Variants in PKHD1L1 observed in about 807,000 individuals in gnomAD.
PKHD1L1 encodes fibrocystin-L.
PKHD1L1 carries 434 observed loss-of-function variants against 462.9 expected under a neutral mutation model. The ratio of observed to expected loss-of-function variants is 0.94; its 90% CI spans 0.87 to 1.02. The LOEUF (loss-of-function observed/expected upper bound fraction) is 1.02, where lower values mean the gene tolerates loss of function less well. Ranked by LOEUF, PKHD1L1 falls within the 50% of genes least tolerant of loss-of-function variation. The probability of loss-of-function intolerance (pLI) is 0.00; values close to 1 mark genes in which losing one functional copy is unlikely to be tolerated. For missense variants in PKHD1L1, 5,202 were observed against 5,096.1 expected (o/e 1.02, Z -0.63); for synonymous variants, 1,781 against 1,750.0 (o/e 1.02, Z -0.44).
At chr8:109,372,280 T>G (rs962554853) in intron 2 of PKHD1L1, among the ~76,000 whole-genome samples, 2 of 152,162 alleles carry the variant, frequency 1.3e-5, no homozygotes, top group African/African-American at 4.8e-5. Context: ...TGAATGGGAG[T>G]TCACTCAAGA....
intron 71 of PKHD1L1, among the ~76,000 whole-genome samples, chr8:109,512,321 G>A (rs1252113470): frequency 1.3e-5 from 2 of 151,108 alleles, no homozygotes; most frequent in Non-Finnish European, 3.0e-5. Flanking sequence ...GGGTTTTTAT[G>A]GTTTTAGGTC....
At chr8:109,421,140 AC>A (rs1198860348) in intron 23 of PKHD1L1, among the ~76,000 whole-genome samples, 3 of 151,914 alleles carry the variant, frequency 2.0e-5, no homozygotes, top group African/African-American at 7.2e-5. Context: ...AATTTTTTGT[AC>A]ATTTGTAATA....
chr8:109,482,953 G>C, intron 56 of PKHD1L1, 34 bp from the exon 57 acceptor site: 2 of 1,374,984 alleles, frequency 1.5e-6, no homozygotes, highest in Non-Finnish European at 2.0e-6. Context: ...AGTACTGTGG[G>C]GTGAATAAGT....
chr8:109,439,589 G>A (rs1359829624), intron 32 of PKHD1L1, among the ~76,000 whole-genome samples: 3 of 152,128 alleles, frequency 2.0e-5, no homozygotes, highest in South Asian at 2.1e-4. Context: ...GAGTATCAGG[G>A]AAAAGTTCTC....
chr8:109,448,857 T>C (rs1182253679), intron 39 of PKHD1L1, among the ~76,000 whole-genome samples: 4 of 152,130 alleles, frequency 2.6e-5, no homozygotes, highest in Admixed American at 2.6e-4. Context: ...TTAATTTACT[T>C]AAAACTTAAT....
intron 15 of PKHD1L1, 30 bp downstream of exon 15, chr8:109,404,743 A>G: frequency 6.4e-7 from 1 of 1,559,408 alleles, no homozygotes. Context: ...CCTCTTACAG[A>G]AAGTAAATGT....
At chr8:109,394,612 A>C in intron 10 of PKHD1L1, 127 bp downstream of exon 10, 1 of 527,156 alleles carries the variant, frequency 1.9e-6, no homozygotes, top group Non-Finnish European at 3.0e-6. Flanking sequence ...GGAAAGGAAA[A>C]ATCCCTAAGA....
At chr8:109,436,605 C>T in intron 30 of PKHD1L1, 146 bp downstream of exon 30, 1 of 1,282,222 alleles carries the variant, frequency 7.8e-7, no homozygotes, top group Non-Finnish European at 1.0e-6. Context: ...AAACTTATTT[C>T]TTCCATATCT....
intron 27 of PKHD1L1, among the ~76,000 whole-genome samples, chr8:109,432,395 T>G (rs1815159328): frequency 6.6e-6 from 1 of 152,146 alleles, no homozygotes; most frequent in Non-Finnish European, 1.5e-5. Context: ...CTTATAAAAT[T>G]TTTGAGTTTT....
chr8:109,461,124 T>G (rs1817097315), intron 47 of PKHD1L1, among the ~76,000 whole-genome samples: 1 of 152,218 alleles, frequency 6.6e-6, no homozygotes, highest in Non-Finnish European at 1.5e-5. Context: ...AGAATGCATC[T>G]TACATGTCTC....
chr8:109,520,353 G>T (rs147328716), intron 73 of PKHD1L1, among the ~76,000 whole-genome samples: 1 of 151,998 alleles, frequency 6.6e-6, no homozygotes, highest in Non-Finnish European at 1.5e-5. Context: ...GAGCCCTTAC[G>T]TGTCGTGAGG....
In PKHD1L1 at chr8:109,439,057, T is replaced by C. The variant is rs1366462713; in HGVS notation, c.3921T>C (p.Tyr1307=). 2.5e-6 allele frequency: 4 copies of C among 1,613,270 alleles called. No homozygotes were observed. Among genetic ancestry groups the C allele is most frequent in the East Asian group, 2.2e-5 (1 of 44,838 alleles). Residue 1307 remains tyrosine, a synonymous_variant, in exon 32 of 78, where the codon TAT becomes TAC. Coordinates refer to ENST00000378402, the MANE Select transcript of PKHD1L1 (RefSeq NM_177531.6). ...PKLSPGKHDI[Y]VEVRNWGFAS... ...TGTCTCCTGGAAAACATGATATCTA[T>C]GTAGAAGTCAGAAACTGGGGTTTTG...
intron 71 of PKHD1L1, among the ~76,000 whole-genome samples, chr8:109,513,999 T>G (rs1820136871): frequency 6.6e-6 from 1 of 152,038 alleles, no homozygotes; most frequent in Non-Finnish European, 1.5e-5. Context: ...TGTAACAATT[T>G]CCCTATCGGT....
rs1819591021 is a variant in PKHD1L1, at chr8:109,504,458, C to A, written c.10960C>A (p.Gln3654Lys). ...TATAAAACTGGTTGATACCACTGAA[C>A]AATCAAAAATATTTATACATAGGCC... ...KNIKLVDTTE[Q>K]SKIFIHRPDI... Residue 3654 changes from glutamine to lysine, a missense_variant, in exon 68 of 78, where the codon CAA becomes AAA. Around this residue, in one of 3 missense-constraint regions of PKHD1L1, gnomAD observed 698 missense variants for 736.3 expected, o/e 0.95. Coordinates refer to ENST00000378402, the MANE Select transcript of PKHD1L1 (RefSeq NM_177531.6). 35 of 1,543,304 alleles carry A rather than the reference C, an allele frequency of 2.3e-5. No homozygotes were observed. Among genetic ancestry groups the A allele is most frequent in the Non-Finnish European group, 3.1e-5 (35 of 1,142,386 alleles).
intron 76 of PKHD1L1, among the ~76,000 whole-genome samples, chr8:109,524,762 A>G (rs1289402189): frequency 6.6e-6 from 1 of 151,652 alleles, no homozygotes; most frequent in Non-Finnish European, 1.5e-5. Context: ...AGTGCTCTTC[A>G]CCTGTGTGTT....
Position 109,452,210 on chromosome 8 carries a change from C to T in PKHD1L1, c.6437C>T (p.Thr2146Ile). ...YSNKTHIICM[T>I]DAHTLSGWAP... ...AACAAGACACACATCATCTGCATGA[C>T]AGATGCCCATACTCTATCAGGGTGG... Residue 2146 changes from threonine to isoleucine, a missense_variant, in exon 42 of 78, where the codon ACA becomes ATA. By Grantham distance (89) the Thr-to-Ile change is moderately conservative. Transcript: ENST00000378402. The T allele has an allele frequency of 6.2e-7, 1 of 1,613,290 alleles. No individual in the cohort carries two copies. Among genetic ancestry groups the T allele is most frequent in the Non-Finnish European group, 8.5e-7 (1 of 1,179,550 alleles).
chr8:109,481,611 C>T, intron 56 of PKHD1L1, 49 bp downstream of exon 56: 5 of 1,457,612 alleles, frequency 3.4e-6, no homozygotes, highest in Non-Finnish European at 4.5e-6. Context: ...TAAGAATCTA[C>T]TTTAAAATAT....
At chr8:109,475,682 C>CAA (rs57539802) in intron 51 of PKHD1L1, among the ~76,000 whole-genome samples, 1 of 134,598 alleles carries the variant, frequency 7.4e-6, no homozygotes. Context: ...ATTAAAAATA[C>CAA]AAAAAAAAAA....
Position 109,440,708 on chromosome 8 carries a change from A to G in PKHD1L1, c.3957-2A>G. On this transcript the variant is annotated splice_acceptor_variant, in intron 32 of 77. Transcript: ENST00000378402. LOFTEE classifies it high-confidence loss of function. ...GAAAAATCTATTCATTTTTTTTCTC[A>G]GAGACAAATTAAATTCTTCAATACA... is the stretch of plus-strand genomic sequence containing the variant. 1.9e-6 allele frequency: 3 copies of G among 1,604,952 alleles called. No individual in the cohort carries two copies. Among genetic ancestry groups the G allele is most frequent in the Non-Finnish European group, 2.6e-6 (3 of 1,175,234 alleles).
Sources: gnomAD v4.1 joint callset for allele counts (sites outside exome capture counted in the v4.1 genomes callset) on GRCh38, gnomAD v4.1.1 for gene constraint, gnomAD v4.1.1 regional missense constraint, MANE v1.5 for transcripts, NCBI Gene and HGNC (gene_info 2026-07-23, HGNC 2026-07-21) for gene names.